CDH9: variants seen among roughly 807,000 people sequenced by gnomAD.
The protein encoded by CDH9 is cadherin 9.
Under a neutral mutation model 70.9 loss-of-function variants are expected in CDH9, and 28 were observed. The observed-to-expected ratio is 0.40, with a 90% CI of 0.29 to 0.54. CDH9 has a LOEUF of 0.54. Among genes scored for constraint, CDH9 ranks in the 20% least tolerant of loss-of-function variants. The pLI is 0.59. For synonymous variants in CDH9, 409 were observed against 343.1 expected (o/e 1.19, Z -2.12); for missense variants, 874 against 984.4 (o/e 0.89, Z 1.50).
At chr5:26,942,507 G>A (rs1741679481) in intron 2 of CDH9, among the ~76,000 whole-genome samples, 1 of 152,162 alleles carries the variant, frequency 6.6e-6, no homozygotes, top group Non-Finnish European at 1.5e-5. Flanking sequence ...CAGTTCTGAA[G>A]AGGACATTTA....
intron 1 of CDH9, among the ~76,000 whole-genome samples, chr5:26,998,745 A>G (rs1377065265): frequency 6.6e-6 from 1 of 152,064 alleles, no homozygotes; most frequent in African/African-American, 2.4e-5. Flanking sequence ...AAAAAAAAAG[A>G]AAATCAGAGG....
At chr5:26,895,275 A>G (rs1268134807) in intron 7 of CDH9, among the ~76,000 whole-genome samples, 3 of 152,044 alleles carry the variant, frequency 2.0e-5, no homozygotes, top group African/African-American at 4.8e-5. Flanking sequence ...ATACAATGAC[A>G]TTATTTATAA....
At chr5:27,033,631 A>C (rs1033355678) in intron 1 of CDH9, among the ~76,000 whole-genome samples, 1 of 151,230 alleles carries the variant, frequency 6.6e-6, no homozygotes, top group Admixed American at 6.6e-5. Flanking sequence ...ATTAAAATTT[A>C]AAAAAAACAA....
intron 1 of CDH9, among the ~76,000 whole-genome samples, chr5:27,011,209 T>C (rs530735480): frequency 6.6e-6 from 1 of 152,214 alleles, no homozygotes; most frequent in Non-Finnish European, 1.5e-5. Flanking sequence ...AACATGTTAT[T>C]TATAGGTTGA....
At chr5:26,957,137 A>T in intron 2 of CDH9, among the ~76,000 whole-genome samples, 1 of 150,874 alleles carries the variant, frequency 6.6e-6, no homozygotes, top group Non-Finnish European at 1.5e-5. Context: ...ATTTTTATGT[A>T]TTTTCCTGCA....
rs148451614 is a variant in CDH9 at position 26,897,238 on chromosome 5, G to A, written c.1253+5238C>T. Among the ~76,000 whole-genome samples, 207 of 151,924 alleles carry A rather than the reference G, an allele frequency of 1.4e-3. No individual in the cohort carries two copies. In the East Asian group the frequency reaches 0.023, roughly 17 times the overall value. ...GGATTCACAGCCAAATTTTACCAGA[G>A]ATACATAGAGGAGCTGGTACCATTT... is the stretch of plus-strand genomic sequence containing the variant. On this transcript the variant is annotated intron_variant, in intron 7 of 11. Coordinates refer to ENST00000231021, the MANE Select transcript of CDH9 (RefSeq NM_016279.4).
At position 26,906,811 on chromosome 5, in the gene CDH9, G is replaced by A; in HGVS notation, c.551C>T (p.Thr184Ile). The A allele has an allele frequency of 6.2e-7, 1 of 1,612,948 alleles. No homozygotes were observed. Among genetic ancestry groups the A allele is most frequent in the East Asian group, 2.2e-5 (1 of 44,744 alleles). ...TCCATAGTTGGCGTCATCTGCATCT[G>A]TTGCAGTTACTTGTATAACAGATGT... is the stretch of plus-strand genomic sequence containing the variant. Reference protein sequence around the residue: ...VGTSVIQVTATDADDANYGNS... With the variant: ...VGTSVIQVTAIDADDANYGNS... Residue 184 changes from threonine (T) to isoleucine (I), a missense_variant, in exon 4 of 12, where the codon ACA becomes ATA. Transcript: ENST00000231021.
intron 2 of CDH9, among the ~76,000 whole-genome samples, chr5:26,925,392 G>A (rs902461823): frequency 2.0e-5 from 3 of 151,948 alleles, no homozygotes; most frequent in Admixed American, 1.3e-4. Flanking sequence ...TTTCTGATGG[G>A]GTTGTTTGTT....
intron 2 of CDH9, among the ~76,000 whole-genome samples, chr5:26,930,236 G>T (rs577684957): frequency 1.4e-4 from 22 of 151,946 alleles, no homozygotes; most frequent in African/African-American, 5.1e-4. Context: ...TAGGAGTAAG[G>T]TTTGCTTTGG....
rs180740767 is a variant in CDH9, at chr5:26,883,276, C to T, written c.1883-1653G>A. 6.0e-3 allele frequency among the ~76,000 whole-genome samples: 908 copies of T among 151,140 alleles called. 7 individuals carry two copies. Among genetic ancestry groups the T allele is most frequent in the African/African-American group, 0.021 (855 of 41,298 alleles). On this transcript the variant is annotated intron_variant, in intron 11 of 11. Coordinates refer to ENST00000231021, the MANE Select transcript of CDH9 (RefSeq NM_016279.4). ...CTCCACTTTTCAATCAGTAAAATAA[C>T]AATTGTGTAGTCAAATTGTATTAAG...
chr5:26,885,194 CTG>C (rs1400342929), intron 11 of CDH9, among the ~76,000 whole-genome samples: 9 of 152,102 alleles, frequency 5.9e-5, no homozygotes, highest in Non-Finnish European at 7.4e-5. Context: ...GTAGAGTAAT[CTG>C]TGTTTGAATA....
intron 2 of CDH9, among the ~76,000 whole-genome samples, chr5:26,980,253 T>C (rs1261899025): frequency 1.3e-5 from 2 of 151,902 alleles, no homozygotes; most frequent in Admixed American, 1.3e-4. Flanking sequence ...AAAAAAGGCA[T>C]CTTCTTAGAT....
At chr5:27,017,755 T>C (rs1311608886) in intron 1 of CDH9, among the ~76,000 whole-genome samples, 6 of 152,034 alleles carry the variant, frequency 3.9e-5, no homozygotes, top group Non-Finnish European at 8.8e-5. Flanking sequence ...AAAAAGCATT[T>C]AGAAAGCCAC....
chr5:26,959,546 T>C (rs1290032042), intron 2 of CDH9, among the ~76,000 whole-genome samples: 4 of 152,140 alleles, frequency 2.6e-5, no homozygotes, highest in African/African-American at 4.8e-5. Context: ...ACACGAATAC[T>C]TGTATGTAAA....
At chr5:26,962,679 C>G (rs1742057458) in intron 2 of CDH9, among the ~76,000 whole-genome samples, 1 of 152,122 alleles carries the variant, frequency 6.6e-6, no homozygotes, top group African/African-American at 2.4e-5. Flanking sequence ...CTTACTGACT[C>G]TCACTCTCAT....
intron 7 of CDH9, among the ~76,000 whole-genome samples, chr5:26,897,929 G>A (rs772111341): frequency 2.4e-4 from 36 of 152,052 alleles, no homozygotes; most frequent in Non-Finnish European, 4.3e-4. Flanking sequence ...AAACCCCATC[G>A]TCTCAGCCCC....
At chr5:26,996,158 C>A (rs1445021714) in intron 1 of CDH9, among the ~76,000 whole-genome samples, 1 of 151,846 alleles carries the variant, frequency 6.6e-6, no homozygotes, top group Non-Finnish European at 1.5e-5. Context: ...TTATTCTAAT[C>A]TTTTTCTTCA....
chr5:26,904,180 T>TTTTTTTTTAACATGTATTCAATTA (rs758169326), intron 5 of CDH9, among the ~76,000 whole-genome samples: 4,700 of 150,060 alleles, frequency 0.031, 96 homozygotes, highest in Non-Finnish European at 0.046. Context: ...TCATCACACT[T>TTTTTTTTTAACATGTATTCAATTA]TTTTTTTTAA....
At chr5:26,895,859 G>C (rs972561333) in intron 7 of CDH9, among the ~76,000 whole-genome samples, 1 of 151,958 alleles carries the variant, frequency 6.6e-6, no homozygotes, top group Admixed American at 6.6e-5. Flanking sequence ...TTCTAAATTT[G>C]ATCGTAGCAA....
Sources: allele counts gnomAD v4.1 joint callset (sites outside exome capture counted in the v4.1 genomes callset), GRCh38; gene constraint gnomAD v4.1.1; transcripts MANE v1.5; gene names NCBI Gene and HGNC (gene_info 2026-07-23, HGNC 2026-07-21).